The following CDKL2 variants were observed in gnomAD, a reference collection of about 807,000 sequenced individuals.
CDKL2 encodes cyclin dependent kinase like 2, also known as cyclin-dependent kinase-like 2.
CDKL2 carries 64 observed loss-of-function variants against 63.9 expected under a neutral mutation model. That is an observed-to-expected ratio of 1.00 (90% CI 0.82 to 1.23). The LOEUF is 1.23. Ranked by LOEUF, CDKL2 falls within the 50% of genes most tolerant of loss-of-function variation. The pLI, the probability that CDKL2 is intolerant of heterozygous loss-of-function variation, is 0.00. For synonymous variants in CDKL2, 211 were observed against 229.2 expected, an observed-to-expected ratio of 0.92 and a Z score of 0.72; for missense variants, 656 against 668.0, an observed-to-expected ratio of 0.98 and a Z score of 0.20.
chr4:75,578,465 G>T lies in CDKL2; in HGVS notation c.*737C>A, dbSNP rs189059208. Reference sequence around the variant, plus strand: ...AGTTGTAGTAAGTCATTCGAAAGAGGTTTCTCTGTCACGCTTGCATTAGTG... The same window carrying T: ...AGTTGTAGTAAGTCATTCGAAAGAGTTTTCTCTGTCACGCTTGCATTAGTG... On this transcript the variant is annotated 3_prime_UTR_variant, in exon 14 of 14. Transcript: ENST00000307465. 1 of 152,176 alleles carries T rather than the reference G, an allele frequency of 6.6e-6. No individual in the cohort carries two copies. Among genetic ancestry groups the T allele is most frequent in the Non-Finnish European group, 1.5e-5 (1 of 68,048 alleles). The allele number at this position is 152,176 out of a possible 1,614,324, so 9.4% of individuals were successfully genotyped here. A position where few individuals can be genotyped will look rare whatever the true frequency, so the allele number is the denominator to read the frequency against.
At chr4:75,616,542 C>G (rs892680867) in intron 2 of CDKL2, among the ~76,000 whole-genome samples, 2 of 151,194 alleles carry the variant, frequency 1.3e-5, no homozygotes, top group Non-Finnish European at 3.0e-5. Context: ...GCATGCCTGG[C>G]CACCACCATG....
At chr4:75,580,303 T>C in intron 13 of CDKL2, among the ~76,000 whole-genome samples, 1 of 152,174 alleles carries the variant, frequency 6.6e-6, no homozygotes, top group Middle Eastern at 3.4e-3. Context: ...GAATTTATCA[T>C]CATAATATTT....
At chr4:75,611,894 TC>T (rs1471849484) in intron 3 of CDKL2, among the ~76,000 whole-genome samples, 29 of 151,980 alleles carry the variant, frequency 1.9e-4, no homozygotes, top group Admixed American at 1.9e-3. Flanking sequence ...CCTCAGGTGA[TC>T]CACCCGCCTC....
At chr4:75,617,099 C>T (rs1729961040) in intron 2 of CDKL2, among the ~76,000 whole-genome samples, 1 of 152,062 alleles carries the variant, frequency 6.6e-6, no homozygotes. Flanking sequence ...AGTTGGTAGT[C>T]TAGTCCATTT....
At chr4:75,611,088 CTGGGAGTAAGGA>C (rs1314740793) in intron 3 of CDKL2, among the ~76,000 whole-genome samples, 3 of 152,008 alleles carry the variant, frequency 2.0e-5, no homozygotes, top group African/African-American at 7.2e-5. Flanking sequence ...TAACTAGGGG[CTGGGAGTAAGGA>C]TTGGAGAAAA....
chr4:75,578,853 C>T lies in CDKL2; in HGVS notation c.*349G>A, dbSNP rs1334051891. 6.6e-6 allele frequency: 1 copy of T among 152,614 alleles called. No individual in the cohort carries two copies. Among genetic ancestry groups the T allele is most frequent in the Non-Finnish European group, 1.5e-5 (1 of 68,034 alleles). 9.5% of individuals were successfully genotyped at this position (152,614 alleles called of 1,614,324 possible). On this transcript the variant is annotated 3_prime_UTR_variant, in exon 14 of 14. Coordinates refer to ENST00000307465, the MANE Select transcript of CDKL2 (RefSeq NM_001330724.2). ...TCTCTCTGTCCCCCTTTTTTACACA[C>T]TTTTAATCATGGTAACTTAAAATAT...
chr4:75,612,541 T>TCAGC (rs1019045358), intron 3 of CDKL2, among the ~76,000 whole-genome samples: 30 of 152,312 alleles, frequency 2.0e-4, no homozygotes, highest in African/African-American at 7.2e-4. Context: ...TGTAGGGCAT[T>TCAGC]CAGCCACCTA....
intron 12 of CDKL2, 116 bp from the exon 13 acceptor site, chr4:75,582,014 T>C: frequency 1.5e-6 from 1 of 672,882 alleles, no homozygotes; most frequent in African/African-American, 1.8e-5. Flanking sequence ...TATTCATAGC[T>C]CAAGTTGCCT....
At chr4:75,604,985 G>A (rs868017655) in intron 5 of CDKL2, among the ~76,000 whole-genome samples, 4 of 152,036 alleles carry the variant, frequency 2.6e-5, no homozygotes, top group Admixed American at 1.3e-4. Flanking sequence ...GTGACAGAAC[G>A]AGACTCCGTC....
chr4:75,618,937 A>G (rs1314426896), intron 2 of CDKL2, among the ~76,000 whole-genome samples: 1 of 152,238 alleles, frequency 6.6e-6, no homozygotes, highest in Non-Finnish European at 1.5e-5. Context: ...ATGGATTCAC[A>G]TACTGGACTG....
chr4:75,615,358 A>C (rs1236688570), intron 2 of CDKL2, among the ~76,000 whole-genome samples: 1 of 152,222 alleles, frequency 6.6e-6, no homozygotes, highest in Non-Finnish European at 1.5e-5. Flanking sequence ...TCAAAGATGT[A>C]AGAAATGGGG....
intron 1 of CDKL2, among the ~76,000 whole-genome samples, chr4:75,627,966 A>C (rs894684568): frequency 6.6e-6 from 1 of 150,386 alleles, no homozygotes. Flanking sequence ...ATCGGTATAT[A>C]AGCAGATTTT....
At position 75,628,228 on chromosome 4, in the gene CDKL2, GCCTCAACCTCTCGAGTAGCTGGGAC is replaced by G. The variant is rs1225370786; in HGVS notation, c.-30+1789_-30+1813del. 2.6e-5 allele frequency among the ~76,000 whole-genome samples: 4 copies of G among 151,036 alleles called. No homozygotes were observed. The East Asian group carries it at 7.9e-4, about 30-fold the overall frequency. On this transcript the variant is annotated intron_variant, in intron 1 of 13. Transcript: ENST00000307465. ...CCTCCCGGGTCCACGCCATTCTCCT[GCCTCAACCTCTCGAGTAGCTGGGAC>G]TACAGGCGCCTGCCACCACGCCCAG...
At chr4:75,597,259 A>G in intron 8 of CDKL2, 23 bp from the exon 9 acceptor site, 1 of 1,430,482 alleles carries the variant, frequency 7.0e-7, no homozygotes, top group Non-Finnish European at 9.7e-7. Context: ...AAAAATATTA[A>G]TAAGGTTAAT....
At chr4:75,589,929 CTA>C (rs1728638972) in intron 12 of CDKL2, among the ~76,000 whole-genome samples, 1 of 151,372 alleles carries the variant, frequency 6.6e-6, no homozygotes, top group African/African-American at 2.4e-5. Context: ...CTGCAGTGAG[CTA>C]TGAGCATGCC....
Position 75,581,869 on chromosome 4 carries a change from T to C in CDKL2, c.1677A>G (p.Ser559=). ...GTTCCATTTGAGGCAAATCAGCCCC[T>C]GAATCATCTGACAGGGGAGGTCCTG... is the stretch of plus-strand genomic sequence containing the variant. The part of the protein sequence containing the change: ...QVSGPPLSDD[S]GADLPQMEHQ... The change falls in exon 13 of 14, where the codon TCA becomes TCG. Residue 559 remains serine, a synonymous_variant. Coordinates refer to ENST00000307465, the MANE Select transcript of CDKL2 (RefSeq NM_001330724.2). The C allele has an allele frequency of 6.2e-7, 1 of 1,612,756 alleles. No homozygotes were observed. Among genetic ancestry groups the C allele is most frequent in the Non-Finnish European group, 8.5e-7 (1 of 1,179,048 alleles).
chr4:75,622,779 A>C (rs1277434852), intron 2 of CDKL2, among the ~76,000 whole-genome samples: 1 of 151,246 alleles, frequency 6.6e-6, no homozygotes, highest in Non-Finnish European at 1.5e-5. Flanking sequence ...AGGATTATAC[A>C]ATGTTCATGA....
chr4:75,618,362 C>A (rs1166132432), intron 2 of CDKL2, among the ~76,000 whole-genome samples: 1 of 125,192 alleles, frequency 8.0e-6, no homozygotes, highest in East Asian at 2.9e-4. Context: ...TCAAGCAATT[C>A]TCCTGCCTCA....
chr4:75,607,078 C>A (rs964503561), intron 4 of CDKL2, 105 bp downstream of exon 4: 9 of 892,146 alleles, frequency 1.0e-5, no homozygotes, highest in South Asian at 2.6e-5. Context: ...GAAACTCAAG[C>A]CTTCCTTTCA....
Sources: gnomAD v4.1 joint callset for allele counts (sites outside exome capture counted in the v4.1 genomes callset) on GRCh38, gnomAD v4.1.1 for gene constraint, MANE v1.5 for transcripts, NCBI Gene and HGNC (gene_info 2026-07-23, HGNC 2026-07-21) for gene names.